Variants in CD302 observed in about 807,000 individuals in gnomAD.
CD302 encodes the protein CD302 molecule, also known as CD302 antigen.
In CD302, 23 loss-of-function variants were observed where a neutral mutation model predicts 26.5. The ratio of observed to expected loss-of-function variants is 0.87; its 90% confidence interval spans 0.62 to 1.23. The LOEUF (loss-of-function observed/expected upper bound fraction) is 1.23. CD302 is among the 50% of genes most tolerant of loss of function. The pLI is 0.00. For missense variants in CD302, 290 were observed against 275.5 expected (o/e 1.05, Z -0.37); for synonymous variants, 90 against 99.4 (o/e 0.91, Z 0.56).
intron 1 of CD302, among the ~76,000 whole-genome samples, chr2:159,790,092 T>C (rs1477074053): frequency 1.3e-5 from 2 of 152,224 alleles, no homozygotes. Context: ...CTACCCATCA[T>C]CCATATCAGA....
In CD302 at chr2:159,784,847, C is replaced by T. The variant is rs1276218297; in HGVS notation, c.68-1378G>A. ...TTCTTATATAGCACAGAGCACATGGCCACCAAGCTAGATTGCTTCGCAGTC... is the reference window on the plus strand; with the variant it reads ...TTCTTATATAGCACAGAGCACATGGTCACCAAGCTAGATTGCTTCGCAGTC... On this transcript the variant is annotated intron_variant, in intron 1 of 5. Coordinates refer to ENST00000259053, the MANE Select transcript of CD302 (RefSeq NM_014880.5). Among the ~76,000 whole-genome samples the T allele has an allele frequency of 2.6e-5, 4 of 152,100 alleles. No individual in the cohort carries two copies. In the East Asian group the frequency reaches 5.8e-4, roughly 22 times the overall value.
At chr2:159,795,222 CG>C (rs1000549648) in intron 1 of CD302, among the ~76,000 whole-genome samples, 16 of 141,390 alleles carry the variant, frequency 1.1e-4, no homozygotes, top group Non-Finnish European at 1.5e-5. Context: ...GACTCCATCT[CG>C]GAAAAAAAAA....
chr2:159,778,545 A>G (rs1195622435), intron 4 of CD302, among the ~76,000 whole-genome samples: 2 of 152,224 alleles, frequency 1.3e-5, no homozygotes, highest in African/African-American at 2.4e-5. Flanking sequence ...AAAGAAATGT[A>G]CATACTTCCA....
intron 5 of CD302, among the ~76,000 whole-genome samples, chr2:159,775,755 T>C (rs1226163591): frequency 6.6e-6 from 1 of 152,180 alleles, no homozygotes; most frequent in African/African-American, 2.4e-5. Context: ...AAATGGAAAC[T>C]GTACCTATTA....
At chr2:159,780,385 A>C (rs1038940176) in intron 3 of CD302, among the ~76,000 whole-genome samples, 3 of 152,180 alleles carry the variant, frequency 2.0e-5, no homozygotes, top group African/African-American at 7.2e-5. Flanking sequence ...AGATGATCCA[A>C]TTTTCGCAAA....
intron 1 of CD302, among the ~76,000 whole-genome samples, chr2:159,797,405 G>A (rs889312051): frequency 6.6e-6 from 1 of 152,098 alleles, no homozygotes; most frequent in African/African-American, 2.4e-5. Context: ...ATGCTTGTAT[G>A]GAAATTTTTT....
At position 159,777,962 on chromosome 2, in the gene CD302, G is replaced by T; in HGVS notation, c.472C>A (p.Pro158Thr). 1.0e-6 allele frequency: 1 copy of T among 967,084 alleles called. No individual in the cohort carries two copies. Among genetic ancestry groups the T allele is most frequent in the Non-Finnish European group, 1.5e-6 (1 of 676,354 alleles). 59.9% of individuals were successfully genotyped at this position (967,084 alleles called of 1,614,324 possible). A position where few individuals can be genotyped will look rare whatever the true frequency, so the allele number is the denominator to read the frequency against. ...CCTGATAAATATTTCCTTTTGTATG[G>T]GACTAAAATACAAAAGAAAATAAAA... Reference protein sequence around the residue: ...VEGTLCKTAIPYKRKYLSDNH... With the variant: ...VEGTLCKTAITYKRKYLSDNH... The change falls in exon 5 of 6, where the codon CCA becomes ACA. Residue 158 changes from proline to threonine, a missense_variant and splice_region_variant. By Grantham distance (38) the Pro-to-Thr change is conservative. Transcript: ENST00000259053.
At chr2:159,776,739 C>CTT (rs1351490793) in intron 5 of CD302, among the ~76,000 whole-genome samples, 3 of 134,540 alleles carry the variant, frequency 2.2e-5, no homozygotes, top group African/African-American at 8.8e-5. Context: ...TGGAGTCACT[C>CTT]TGTCGCCGAG....
intron 5 of CD302, among the ~76,000 whole-genome samples, chr2:159,774,679 C>A (rs1320827693): frequency 1.3e-5 from 2 of 152,190 alleles, no homozygotes; most frequent in African/African-American, 2.4e-5. Flanking sequence ...AGATTTAACT[C>A]CTGCATCCTC....
Position 159,781,356 on chromosome 2 carries a change from C to G in CD302, c.179-358G>C, listed in dbSNP as rs577410715. On this transcript the variant is annotated intron_variant, in intron 2 of 5. Coordinates refer to ENST00000259053, the MANE Select transcript of CD302 (RefSeq NM_014880.5). ...CTGAGGTCAGGAGTTTGAGACCAGC[C>G]TGGCCAACATGACGAAATCCTGTCC... 6 of 159,088 alleles carry G rather than the reference C, an allele frequency of 3.8e-5. No individual in the cohort carries two copies. The East Asian group carries it at 1.1e-3, about 30-fold the overall frequency. The allele number at this position is 159,088 out of a possible 1,614,324, so 9.9% of individuals were successfully genotyped here.
Position 159,780,879 on chromosome 2 carries a change from T to C in CD302, c.295+3A>G. 6.2e-7 allele frequency: 1 copy of C among 1,611,536 alleles called. No homozygotes were observed. The highest frequency in any genetic ancestry group is 8.5e-7 in the Non-Finnish European group (1 of 1,179,008). ...CACGTCCCACGAGGTAAATATCACTTACCATCTGTGTCATAAAACATGCCT... is the reference window on the plus strand; with the variant it reads ...CACGTCCCACGAGGTAAATATCACTCACCATCTGTGTCATAAAACATGCCT... On this transcript the variant is annotated splice_donor_region_variant and intron_variant, in intron 3 of 5. Transcript: ENST00000259053.
chr2:159,779,437 CA>C (rs948764231), intron 4 of CD302, among the ~76,000 whole-genome samples: 11 of 152,136 alleles, frequency 7.2e-5, no homozygotes, highest in Non-Finnish European at 1.2e-4. Flanking sequence ...AAATCACATG[CA>C]AAGAGATTAT....
chr2:159,790,348 T>C (rs945538547), intron 1 of CD302, among the ~76,000 whole-genome samples: 2 of 151,342 alleles, frequency 1.3e-5, no homozygotes, highest in Admixed American at 1.3e-4. Flanking sequence ...ACTGGATAAA[T>C]AGGAAGTTGC....
rs72068957 is a variant in CD302 at position 159,782,414 on chromosome 2, CAAAAAAA to C, written c.178+938_178+944del. On this transcript the variant is annotated intron_variant, in intron 2 of 5. Coordinates refer to ENST00000259053, the MANE Select transcript of CD302 (RefSeq NM_014880.5). ...GGCGACAGAGCGAGACTCCATCTCA[CAAAAAAA>C]AAAAAAAAAAAAAAAAAAGACATTT... Among the ~76,000 whole-genome samples, 13 of 70,728 alleles carry C rather than the reference CAAAAAAA, an allele frequency of 1.8e-4. No individual in the cohort carries two copies. The South Asian group carries it at 2.2e-3, about 12-fold the overall frequency. 46.4% of individuals were successfully genotyped at this position (70,728 alleles called of 152,430 possible).
At chr2:159,784,848 C>A (rs1401492066) in intron 1 of CD302, among the ~76,000 whole-genome samples, 1 of 152,134 alleles carries the variant, frequency 6.6e-6, no homozygotes, top group East Asian at 1.9e-4. Context: ...AGCACATGGC[C>A]ACCAAGCTAG....
rs561957602 is a variant in CD302, at chr2:159,768,839, A to G, written c.*3012T>C. The G allele has an allele frequency of 1.6e-4, 24 of 152,318 alleles. No homozygotes were observed. Among genetic ancestry groups the G allele is most frequent in the African/African-American group, 5.3e-4 (22 of 41,594 alleles). 9.4% of individuals were successfully genotyped at this position (152,318 alleles called of 1,614,324 possible). On this transcript the variant is annotated 3_prime_UTR_variant, in exon 6 of 6. Transcript: ENST00000259053. ...ATATATACTTTTAATAAAATTCAGT[A>G]TGACAGTTGTCTTCTGCTTAACCCA...
At chr2:159,776,522 GAGTTCCA>G (rs1262064404) in intron 5 of CD302, among the ~76,000 whole-genome samples, 1 of 151,980 alleles carries the variant, frequency 6.6e-6, no homozygotes, top group Non-Finnish European at 1.5e-5. Flanking sequence ...CCTACCACAA[GAGTTCCA>G]ATTGCTGCAT....
At chr2:159,797,683 C>T (rs1391324288) in intron 1 of CD302, among the ~76,000 whole-genome samples, 2 of 152,210 alleles carry the variant, frequency 1.3e-5, no homozygotes, top group Non-Finnish European at 2.9e-5. Flanking sequence ...GGGCCTACTT[C>T]CTCCGGCCCC....
intron 5 of CD302, among the ~76,000 whole-genome samples, chr2:159,776,012 CTTT>C (rs71406197): frequency 7.4e-5 from 6 of 81,252 alleles, no homozygotes; most frequent in African/African-American, 2.6e-4. Flanking sequence ...CGGGTTTCAA[CTTT>C]TTTTTTTTTT....
Sources: allele counts gnomAD v4.1 joint callset (sites outside exome capture counted in the v4.1 genomes callset), GRCh38; gene constraint gnomAD v4.1.1; transcripts MANE v1.5; gene names NCBI Gene and HGNC (gene_info 2026-07-23, HGNC 2026-07-21).